The following BAALC variants were observed in gnomAD, a reference collection of about 807,000 sequenced individuals.
BAALC encodes the protein BAALC binder of MAP3K1 and KLF4.
BAALC carries 9 observed loss-of-function variants against 15.5 expected under a neutral mutation model. The observed-to-expected ratio is 0.58, with a 90% CI of 0.35 to 1.02. The LOEUF (loss-of-function observed/expected upper bound fraction) is 1.02. Ranked by LOEUF, BAALC falls within the 50% of genes least tolerant of loss-of-function variation. The pLI, the probability that BAALC is intolerant of heterozygous loss-of-function variation, is 0.02. For missense variants in BAALC, 201 were observed against 192.4 expected, an observed-to-expected ratio of 1.04 and a Z score of -0.27; for synonymous variants, 80 against 74.6, an observed-to-expected ratio of 1.07 and a Z score of -0.37.
At chr8:103,200,429 A>T (rs910186056) in intron 1 of BAALC, among the ~76,000 whole-genome samples, 3 of 152,234 alleles carry the variant, frequency 2.0e-5, no homozygotes, top group African/African-American at 7.2e-5. Flanking sequence ...TTGATGTGGA[A>T]ATAGCCTAAT....
chr8:103,177,423 G>A (rs1378901910), intron 1 of BAALC, among the ~76,000 whole-genome samples: 1 of 152,104 alleles, frequency 6.6e-6, no homozygotes, highest in Non-Finnish European at 1.5e-5. Context: ...GGCCTTGAGT[G>A]ATGTTCCCAC....
intron 1 of BAALC, among the ~76,000 whole-genome samples, chr8:103,183,931 T>C (rs1272286636): frequency 6.6e-6 from 1 of 152,240 alleles, no homozygotes; most frequent in Non-Finnish European, 1.5e-5. Flanking sequence ...TTGAACAATA[T>C]AAATGTATTA....
chr8:103,172,879 C>T (rs937574056), intron 1 of BAALC, among the ~76,000 whole-genome samples: 1 of 152,130 alleles, frequency 6.6e-6, no homozygotes, highest in African/African-American at 2.4e-5. Flanking sequence ...GGTAAAGTTA[C>T]TCCTTATAGC....
chr8:103,228,139 GT>G lies in BAALC; in HGVS notation c.*41del. On this transcript the variant is annotated 3_prime_UTR_variant, in exon 3 of 3. Coordinates refer to ENST00000309982, the MANE Select transcript of BAALC (RefSeq NM_024812.3). ...AGAAGGGCAGATGGACTTCTTCAGT[GT>G]CCTTCACGGCACTGGATCCCATCAA... 1 of 1,358,544 alleles carries G rather than the reference GT, an allele frequency of 7.4e-7. No homozygotes were observed. The highest frequency in any genetic ancestry group is 1.1e-6 in the Non-Finnish European group (1 of 951,856). 84.2% of individuals were successfully genotyped at this position (1,358,544 alleles called of 1,614,324 possible).
intron 1 of BAALC, among the ~76,000 whole-genome samples, chr8:103,207,272 G>A (rs1208316805): frequency 6.6e-6 from 1 of 152,186 alleles, no homozygotes; most frequent in Non-Finnish European, 1.5e-5. Flanking sequence ...GCAAACAGAA[G>A]CTCATTAACA....
rs1384474528 is a variant in BAALC at position 103,172,703 on chromosome 8, G to GA, written c.160+31646_160+31647insA. Among the ~76,000 whole-genome samples, 10 of 152,222 alleles carry GA rather than the reference G, an allele frequency of 6.6e-5. No homozygotes were observed. The East Asian group carries it at 1.9e-3, about 29-fold the overall frequency. ...AGCCACCATGCCCAGCCTCTGGCTTGTTTTTCACTCACTGAGGTAGAGCTC... is the reference window on the plus strand; with the variant it reads ...AGCCACCATGCCCAGCCTCTGGCTTGATTTTTCACTCACTGAGGTAGAGCTC... On this transcript the variant is annotated intron_variant, in intron 1 of 2. Coordinates refer to ENST00000309982, the MANE Select transcript of BAALC (RefSeq NM_024812.3).
At chr8:103,194,708 G>C (rs537747668) in intron 1 of BAALC, among the ~76,000 whole-genome samples, 1 of 152,298 alleles carries the variant, frequency 6.6e-6, no homozygotes, top group South Asian at 2.1e-4. Flanking sequence ...AGACCAAGGG[G>C]CCAGCAGGTT....
In BAALC at chr8:103,229,366, T is replaced by G. The variant is rs1812872812; in HGVS notation, c.*1267T>G. 6.6e-6 allele frequency: 1 copy of G among 152,218 alleles called. No individual in the cohort carries two copies. Among genetic ancestry groups the G allele is most frequent in the South Asian group, 2.1e-4 (1 of 4,822 alleles). The allele number at this position is 152,218 out of a possible 1,614,324, so 9.4% of individuals were successfully genotyped here. ...TTAGCAGAAATAGGCAGCCTATTGG[T>G]GTTATGTTTATGTAACATAGTCCAG... On this transcript the variant is annotated 3_prime_UTR_variant, in exon 3 of 3. Coordinates refer to ENST00000309982, the MANE Select transcript of BAALC (RefSeq NM_024812.3).
chr8:103,161,497 C>T (rs1811223093), intron 1 of BAALC, among the ~76,000 whole-genome samples: 2 of 152,262 alleles, frequency 1.3e-5, no homozygotes, highest in Admixed American at 6.5e-5. Flanking sequence ...GCATAGCGCT[C>T]GATTGTGTGG....
chr8:103,184,659 G>A (rs1811793992), intron 1 of BAALC, among the ~76,000 whole-genome samples: 1 of 152,206 alleles, frequency 6.6e-6, no homozygotes, highest in African/African-American at 2.4e-5. Flanking sequence ...ACTTCAGAAT[G>A]TGCATGAGCA....
At chr8:103,222,763 G>A (rs1043353295) in intron 2 of BAALC, among the ~76,000 whole-genome samples, 1 of 152,138 alleles carries the variant, frequency 6.6e-6, no homozygotes, top group Non-Finnish European at 1.5e-5. Context: ...CCATATCATG[G>A]GAGTTACAGA....
At chr8:103,173,236 A>G (rs1042160274) in intron 1 of BAALC, among the ~76,000 whole-genome samples, 1 of 152,212 alleles carries the variant, frequency 6.6e-6, no homozygotes, top group Non-Finnish European at 1.5e-5. Context: ...GGCCACACAG[A>G]TGAGGATGCC....
chr8:103,162,413 G>A (rs1045454417), intron 1 of BAALC, among the ~76,000 whole-genome samples: 1 of 152,198 alleles, frequency 6.6e-6, no homozygotes, highest in African/African-American at 2.4e-5. Flanking sequence ...GGGTTTTGCT[G>A]TCAGATGGAA....
intron 2 of BAALC, among the ~76,000 whole-genome samples, chr8:103,217,935 T>C (rs1812595720): frequency 6.6e-6 from 1 of 152,214 alleles, no homozygotes; most frequent in African/African-American, 2.4e-5. Context: ...CTAGTTTTAA[T>C]GGAGGTGGGT....
At chr8:103,175,913 A>C (rs908770118) in intron 1 of BAALC, among the ~76,000 whole-genome samples, 1 of 152,198 alleles carries the variant, frequency 6.6e-6, no homozygotes, top group Non-Finnish European at 1.5e-5. Flanking sequence ...TGAGTTTAGC[A>C]TCACTATTCC....
chr8:103,195,559 G>A lies in BAALC; in HGVS notation c.161-17360G>A, dbSNP rs888302887. 2.6e-5 allele frequency among the ~76,000 whole-genome samples: 4 copies of A among 152,282 alleles called. No individual in the cohort carries two copies. The Middle Eastern group carries it at 0.01, about 388-fold the overall frequency. ...AACCACAGCAACCCCTTACGAGGAG[G>A]GAGGGATGAGTGGCTGGCACCCTAT... On this transcript the variant is annotated intron_variant, in intron 1 of 2. Transcript: ENST00000309982.
chr8:103,207,559 C>A (rs972374387), intron 1 of BAALC, among the ~76,000 whole-genome samples: 5 of 152,164 alleles, frequency 3.3e-5, no homozygotes, highest in Admixed American at 6.5e-5. Context: ...CAGTGATCAA[C>A]CTTTGTCTTT....
intron 1 of BAALC, among the ~76,000 whole-genome samples, chr8:103,193,871 A>G (rs1812030775): frequency 6.6e-6 from 1 of 152,172 alleles, no homozygotes; most frequent in African/African-American, 2.4e-5. Context: ...CCTGGTACAC[A>G]GTGAACCAGC....
chr8:103,147,722 G>A (rs1295071149), intron 1 of BAALC, among the ~76,000 whole-genome samples: 1 of 152,074 alleles, frequency 6.6e-6, no homozygotes, highest in Non-Finnish European at 1.5e-5. Flanking sequence ...TTCATCCCAG[G>A]AGCCCTCCCA....
Sources: gnomAD v4.1 joint callset for allele counts (sites outside exome capture counted in the v4.1 genomes callset) on GRCh38, gnomAD v4.1.1 for gene constraint, MANE v1.5 for transcripts, NCBI Gene and HGNC (gene_info 2026-07-23, HGNC 2026-07-21) for gene names.